PLEKHG4B: variants seen among roughly 807,000 people sequenced by gnomAD.
PLEKHG4B encodes the protein pleckstrin homology and RhoGEF domain containing G4B.
PLEKHG4B carries 111 observed loss-of-function variants against 121.3 expected under a neutral mutation model. The ratio of observed to expected loss-of-function variants is 0.92; its 90% confidence interval spans 0.78 to 1.07. The LOEUF (loss-of-function observed/expected upper bound fraction) is 1.07. PLEKHG4B is among the 50% of genes least tolerant of loss of function. The pLI is 0.00. For missense variants in PLEKHG4B, 1,831 were observed against 1,757.8 expected, an observed-to-expected ratio of 1.04 and a Z score of -0.74; for synonymous variants, 738 against 725.0, an observed-to-expected ratio of 1.02 and a Z score of -0.29.
intron 13 of PLEKHG4B, among the ~76,000 whole-genome samples, chr5:164,281 ATTAG>A (rs1487556184): frequency 2.6e-5 from 4 of 152,252 alleles, no homozygotes; most frequent in Non-Finnish European, 5.9e-5. Context: ...CTCACCAGGC[ATTAG>A]TTAGATTCTC....
At chr5:155,503 G>A in intron 9 of PLEKHG4B, 60 bp downstream of exon 9, 1 of 1,306,716 alleles carries the variant, frequency 7.7e-7, no homozygotes, top group Non-Finnish European at 1.1e-6. Flanking sequence ...GGGGCATAAA[G>A]GTTAGCCAAA....
At chr5:93,603 C>T (rs567000171) in intron 1 of PLEKHG4B, among the ~76,000 whole-genome samples, 3 of 152,302 alleles carry the variant, frequency 2.0e-5, no homozygotes, top group South Asian at 2.1e-4. Context: ...GGCTTGACCC[C>T]GCAGGCAGCC....
rs1325129764 is a variant in PLEKHG4B at position 157,114 on chromosome 5, G to T, written c.2487+203G>T. 5 of 769,336 alleles carry T rather than the reference G, an allele frequency of 6.5e-6. No individual in the cohort carries two copies. Among genetic ancestry groups the T allele is most frequent in the Non-Finnish European group, 1.0e-5 (5 of 489,448 alleles). 47.7% of individuals were successfully genotyped at this position (769,336 alleles called of 1,614,324 possible). On this transcript the variant is annotated intron_variant, in intron 11 of 19. Coordinates refer to ENST00000637938, the MANE Select transcript of PLEKHG4B (RefSeq NM_052909.5). This position sits in a 1 kb window ranked among gnomAD's most constrained non-coding sequence, Gnocchi z 4.6. ...TTTTTACGTGAGAGATACTGGATCA[G>T]TGGAGAAAAAAAATTTGTTTAATCC... is the stretch of plus-strand genomic sequence containing the variant.
At position 128,374 on chromosome 5, in the gene PLEKHG4B, A is replaced by T. The variant is rs149557851; in HGVS notation, c.244-11109A>T. 2.8e-3 allele frequency among the ~76,000 whole-genome samples: 431 copies of T among 152,318 alleles called. 1 individual carries two copies. Among genetic ancestry groups the T allele is most frequent in the African/African-American group, 9.4e-3 (391 of 41,572 alleles). Reference sequence around the variant, plus strand: ...ATCTGTATGGCTAAATAAAAACCACATGATGAGAATTTATGGTTTGTAGGG... The same window carrying T: ...ATCTGTATGGCTAAATAAAAACCACTTGATGAGAATTTATGGTTTGTAGGG... On this transcript the variant is annotated intron_variant, in intron 2 of 19. Transcript: ENST00000637938.
chr5:132,835 C>T (rs1243653892), intron 2 of PLEKHG4B, among the ~76,000 whole-genome samples: 1 of 152,128 alleles, frequency 6.6e-6, no homozygotes, highest in Admixed American at 6.5e-5. Context: ...GTGATGCCTC[C>T]AGATTTGTTC....
intron 3 of PLEKHG4B, among the ~76,000 whole-genome samples, chr5:141,405 C>T (rs12152980): frequency 6.7e-6 from 1 of 150,188 alleles, no homozygotes; most frequent in African/African-American, 2.5e-5. Flanking sequence ...CATCCCGCCT[C>T]TTCCAGCTTC....
intron 2 of PLEKHG4B, among the ~76,000 whole-genome samples, chr5:115,349 T>G (rs1438482763): frequency 6.6e-6 from 1 of 152,224 alleles, no homozygotes; most frequent in African/African-American, 2.4e-5. Flanking sequence ...CAGGCTTTGT[T>G]GTTCTATTTA....
chr5:160,844 C>G (rs1735977188), intron 11 of PLEKHG4B, among the ~76,000 whole-genome samples: 1 of 152,214 alleles, frequency 6.6e-6, no homozygotes, highest in African/African-American at 2.4e-5. Context: ...TCTGCCGAAG[C>G]CGCACCTGCC....
chr5:181,679 C>T lies in PLEKHG4B; in HGVS notation c.4564+4C>T, dbSNP rs1008039261. The T allele has an allele frequency of 1.1e-5, 18 of 1,610,350 alleles. No homozygotes were observed. The highest frequency in any genetic ancestry group is 1.9e-4 in the Middle Eastern group (1 of 5,304). On this transcript the variant is annotated splice_donor_region_variant and intron_variant, in intron 19 of 19. Coordinates refer to ENST00000637938, the MANE Select transcript of PLEKHG4B (RefSeq NM_052909.5). ...GACAGCATCGTCAAGGGCACAGGTA[C>T]GGTGGCTCGGTCCCGCCCTCACTCA...
rs1579247418 is a variant in PLEKHG4B at position 113,159 on chromosome 5, C to G, written c.46-92C>G. On this transcript the variant is annotated intron_variant, in intron 1 of 19. Coordinates refer to ENST00000637938, the MANE Select transcript of PLEKHG4B (RefSeq NM_052909.5). The surrounding 1 kb of genome is among the most constrained non-coding windows in gnomAD (Gnocchi z 5.2). ...TGCCAGACACAGGACAAGGGACTTC[C>G]GTGTGGATCCTTCAGTGCCAGCCTT... 2 of 398,250 alleles carry G rather than the reference C, an allele frequency of 5.0e-6. No individual in the cohort carries two copies. The highest frequency in any genetic ancestry group is 7.1e-5 in the East Asian group (2 of 28,074). 24.7% of individuals were successfully genotyped at this position (398,250 alleles called of 1,614,324 possible).
intron 1 of PLEKHG4B, among the ~76,000 whole-genome samples, chr5:99,320 A>G (rs1198164537): frequency 6.6e-6 from 1 of 151,374 alleles, no homozygotes; most frequent in Non-Finnish European, 1.5e-5. Flanking sequence ...CTGAATTTAT[A>G]GATCACTTTA....
Position 173,915 on chromosome 5 carries a change from C to T in PLEKHG4B, c.4222-3C>T, listed in dbSNP as rs758935529. On this transcript the variant is annotated splice_region_variant and splice_polypyrimidine_tract_variant and intron_variant, in intron 17 of 19. Transcript: ENST00000637938. The stretch of plus-strand genomic sequence containing the variant: ...TGCTGCAATGGGTGTTTGCTGACTG[C>T]AGACGGCCGAGATCGGGATGACAGA... 143 of 1,612,446 alleles carry T rather than the reference C, an allele frequency of 8.9e-5. 1 individual carries two copies. The highest frequency in any genetic ancestry group is 1.2e-4 in the Non-Finnish European group (142 of 1,179,466).
At position 182,867 on chromosome 5, in the gene PLEKHG4B, A is replaced by G. The variant is rs1218581374; in HGVS notation, c.*544A>G. 1 of 160,244 alleles carries G rather than the reference A, an allele frequency of 6.2e-6. No individual in the cohort carries two copies. Among genetic ancestry groups the G allele is most frequent in the African/African-American group, 2.4e-5 (1 of 41,526 alleles). 9.9% of individuals were successfully genotyped at this position (160,244 alleles called of 1,614,324 possible). A position where few individuals can be genotyped will look rare whatever the true frequency, so the allele number is the denominator to read the frequency against. ...AAAGACTCACCAGATCAGCCCCTCC[A>G]GCACCTAGTGGGTTGCTACCCATTC... On this transcript the variant is annotated 3_prime_UTR_variant, in exon 20 of 20. Transcript: ENST00000637938.
rs999487059 is a variant in PLEKHG4B, at chr5:162,849, C to T, written c.2777C>T (p.Ala926Val). The part of the protein sequence containing the change: ...AAEAFPGAGV[A>V]VLKPHALGKP... ...GAGGCCTTCCCCGGGGCAGGTGTGG[C>T]AGTGCTGAAGCCTCATGCCCTGGGG... The change falls in exon 13 of 20, where the codon GCA becomes GTA. Residue 926 changes from alanine to valine, a missense_variant. By Grantham distance (64) the Ala-to-Val change is moderately conservative (BLOSUM62 0). Transcript: ENST00000637938. 1.3e-5 allele frequency: 19 copies of T among 1,515,122 alleles called. No homozygotes were observed. Among genetic ancestry groups the T allele is most frequent in the East Asian group, 2.4e-5 (1 of 42,080 alleles). The allele number at this position is 1,515,122 out of a possible 1,614,324, so 93.9% of individuals were successfully genotyped here. A position where few individuals can be genotyped will look rare whatever the true frequency, so the allele number is the denominator to read the frequency against.
chr5:176,187 C>T (rs1325166168), intron 18 of PLEKHG4B, among the ~76,000 whole-genome samples: 1 of 117,584 alleles, frequency 8.5e-6, no homozygotes, highest in Admixed American at 8.2e-5. Flanking sequence ...TGTGCAGCCC[C>T]CAACAGCAGT....
chr5:117,713 C>T (rs1041379587), intron 2 of PLEKHG4B, among the ~76,000 whole-genome samples: 2 of 152,026 alleles, frequency 1.3e-5, no homozygotes, highest in Admixed American at 1.3e-4. Context: ...GTTAGCCGGG[C>T]GTGGTGGCAG....
rs376874976 is a variant in PLEKHG4B, at chr5:156,886, C to A, written c.2462C>A (p.Ala821Glu). The A allele has an allele frequency of 1.2e-6, 2 of 1,611,490 alleles. No individual in the cohort carries two copies. The highest frequency in any genetic ancestry group is 4.5e-5 in the East Asian group (2 of 44,784). The change falls in exon 11 of 20, where the codon GCG becomes GAG. Residue 821 changes from alanine to glutamate, a missense_variant. Ala to Glu is a moderately radical substitution (Grantham distance 107). Coordinates refer to ENST00000637938, the MANE Select transcript of PLEKHG4B (RefSeq NM_052909.5). This position sits in a 1 kb window ranked among gnomAD's most constrained non-coding sequence, Gnocchi z 4.4. ...LQQLEHLREL[A>E]SLLEGNDQQS... ...CAGCTGGAGCACCTCCGGGAGCTGG[C>A]GTCACTCCTGGAAGGGAATGACCAG...
At chr5:165,140 G>A (rs1385197602) in intron 13 of PLEKHG4B, among the ~76,000 whole-genome samples, 2 of 105,688 alleles carry the variant, frequency 1.9e-5, no homozygotes, top group East Asian at 2.5e-4. Context: ...ATGCTGTGAC[G>A]GGGCGGAGCT....
chr5:142,129 T>C (rs138072675), intron 3 of PLEKHG4B, among the ~76,000 whole-genome samples: 10 of 152,324 alleles, frequency 6.6e-5, no homozygotes, highest in Non-Finnish European at 1.0e-4. Flanking sequence ...AAGTACTCAC[T>C]TGGGGGCAAC....
Sources: gnomAD v4.1 joint callset for allele counts (sites outside exome capture counted in the v4.1 genomes callset) on GRCh38, gnomAD v4.1.1 for gene constraint, Gnocchi (gnomAD v3.1) non-coding constraint, MANE v1.5 for transcripts, NCBI Gene and HGNC (gene_info 2026-07-23, HGNC 2026-07-21) for gene names.